RNF180: variants seen among roughly 807,000 people sequenced by gnomAD.
The protein encoded by RNF180 is E3 ubiquitin-protein ligase RNF180.
RNF180 carries 38 observed loss-of-function variants against 59.2 expected under a neutral mutation model. The observed-to-expected ratio is 0.64, with a 90% CI of 0.50 to 0.84. RNF180 has a LOEUF of 0.84. Ranked by LOEUF, RNF180 falls within the 40% of genes least tolerant of loss-of-function variation. RNF180 has a pLI of 0.00. For missense variants in RNF180, 705 were observed against 700.9 expected, an observed-to-expected ratio of 1.01 and a Z score of -0.07; for synonymous variants, 262 against 240.3, an observed-to-expected ratio of 1.09 and a Z score of -0.84.
intron 7 of RNF180, among the ~76,000 whole-genome samples, chr5:64,353,662 T>C (rs1241983372): frequency 6.6e-6 from 1 of 151,806 alleles, no homozygotes; most frequent in African/African-American, 2.4e-5. Flanking sequence ...AATTGAAATA[T>C]GTAAATCTGT....
chr5:64,292,090 A>G (rs896418400), intron 5 of RNF180, among the ~76,000 whole-genome samples: 1 of 152,118 alleles, frequency 6.6e-6, no homozygotes, highest in African/African-American at 2.4e-5. Context: ...CCTTTAGCTT[A>G]GCAAAGTTCA....
At chr5:64,333,778 AT>A (rs970258629) in intron 7 of RNF180, among the ~76,000 whole-genome samples, 143 of 152,056 alleles carry the variant, frequency 9.4e-4, no homozygotes, top group African/African-American at 3.3e-3. Context: ...AAATAACTTA[AT>A]TTTTTAAGTG....
chr5:64,316,701 TTAACC>T (rs1363164904), intron 5 of RNF180, among the ~76,000 whole-genome samples: 2 of 152,210 alleles, frequency 1.3e-5, no homozygotes, highest in Non-Finnish European at 2.9e-5. Context: ...CATTTAGTAC[TTAACC>T]TAATATAATC....
intron 1 of RNF180, among the ~76,000 whole-genome samples, chr5:64,198,845 C>T (rs1167824930): frequency 2.0e-5 from 3 of 150,396 alleles, no homozygotes; most frequent in Non-Finnish European, 4.4e-5. Context: ...GACGGAGTTT[C>T]GCTCTTGTTG....
intron 5 of RNF180, among the ~76,000 whole-genome samples, chr5:64,229,508 G>A (rs1053495360): frequency 6.6e-6 from 1 of 152,180 alleles, no homozygotes; most frequent in African/African-American, 2.4e-5. Flanking sequence ...TTATGATAAA[G>A]GGTTTAGAGA....
intron 1 of RNF180, among the ~76,000 whole-genome samples, chr5:64,167,622 A>G (rs539243744): frequency 1.3e-5 from 2 of 152,340 alleles, no homozygotes; most frequent in African/African-American, 4.8e-5. Context: ...CAAGAATGCA[A>G]TAAATTAATC....
At chr5:64,177,565 A>ATATATATATATATT (rs1184255289) in intron 1 of RNF180, among the ~76,000 whole-genome samples, 2 of 128,090 alleles carry the variant, frequency 1.6e-5, no homozygotes, top group East Asian at 4.5e-4. Flanking sequence ...ATATATATAT[A>ATATATATATATATT]TGTATTTATT....
At chr5:64,360,891 A>G (rs973756100) in intron 7 of RNF180, among the ~76,000 whole-genome samples, 1 of 151,614 alleles carries the variant, frequency 6.6e-6, no homozygotes, top group Non-Finnish European at 1.5e-5. Context: ...AGTGTGTTAC[A>G]TGGGAGATCT....
At chr5:64,287,289 TCTA>T (rs1176677295) in intron 5 of RNF180, among the ~76,000 whole-genome samples, 1 of 152,128 alleles carries the variant, frequency 6.6e-6, no homozygotes, top group East Asian at 1.9e-4. Context: ...CATTGTTAAA[TCTA>T]CTACTTGAAA....
At chr5:64,314,433 A>G (rs1183568415) in intron 5 of RNF180, among the ~76,000 whole-genome samples, 11 of 152,100 alleles carry the variant, frequency 7.2e-5, no homozygotes, top group South Asian at 2.1e-4. Context: ...AATATTGCCA[A>G]TTAAGTACTC....
intron 1 of RNF180, among the ~76,000 whole-genome samples, chr5:64,171,744 T>C (rs1749946791): frequency 6.6e-6 from 1 of 152,238 alleles, no homozygotes; most frequent in African/African-American, 2.4e-5. Flanking sequence ...GAGTACCAAG[T>C]GGCTGTCTTG....
At chr5:64,290,139 T>A (rs1742496600) in intron 5 of RNF180, among the ~76,000 whole-genome samples, 1 of 152,236 alleles carries the variant, frequency 6.6e-6, no homozygotes, top group African/African-American at 2.4e-5. Context: ...TTTCATTATT[T>A]ACCCAGGAGA....
intron 5 of RNF180, among the ~76,000 whole-genome samples, chr5:64,298,693 C>CCAAAG (rs1561246652): frequency 1.3e-5 from 2 of 151,866 alleles, no homozygotes; most frequent in Admixed American, 6.6e-5. Context: ...GAAAAACAAA[C>CCAAAG]CAAAGCAAAA....
chr5:64,364,284 G>C (rs1405516608), intron 7 of RNF180, among the ~76,000 whole-genome samples: 1 of 151,646 alleles, frequency 6.6e-6, no homozygotes, highest in Non-Finnish European at 1.5e-5. Flanking sequence ...GAGTTAACAT[G>C]AAACAATGTT....
At chr5:64,296,626 A>G (rs2112441094) in intron 5 of RNF180, among the ~76,000 whole-genome samples, 1 of 151,380 alleles carries the variant, frequency 6.6e-6, no homozygotes, top group East Asian at 1.9e-4. Context: ...GGAAGCAAGC[A>G]AAAGGTTGGA....
In RNF180 at chr5:64,213,573, G is replaced by A. The variant is rs1299154591; in HGVS notation, c.247G>A (p.Gly83Arg). The A allele has an allele frequency of 2.5e-6, 4 of 1,612,800 alleles. No individual in the cohort carries two copies. The highest frequency in any genetic ancestry group is 3.4e-6 in the Non-Finnish European group (4 of 1,179,098). ...TTACCTGTAGGCCCAGTGGACAGTT[G>A]GAAAACTGAATTGTCCTTTCTGTGG... ...CLIQKAQWTVGKLNCPFCGAR... is the reference protein window; with the variant it reads ...CLIQKAQWTVRKLNCPFCGAR... Residue 83 changes from glycine (G) to arginine (R), a missense_variant, in exon 4 of 8, where the codon GGA becomes AGA. Gly to Arg is a moderately radical substitution (Grantham distance 125). Transcript: ENST00000389100.
intron 5 of RNF180, among the ~76,000 whole-genome samples, chr5:64,268,426 T>C (rs1580148322): frequency 6.6e-6 from 1 of 152,182 alleles, no homozygotes; most frequent in South Asian, 2.1e-4. Context: ...AGAGATACTT[T>C]TTTTCCTTTT....
chr5:64,290,521 G>T (rs1455341471), intron 5 of RNF180, among the ~76,000 whole-genome samples: 1 of 152,170 alleles, frequency 6.6e-6, no homozygotes, highest in African/African-American at 2.4e-5. Flanking sequence ...AAGTCCCTTT[G>T]TAGGTCTCTA....
chr5:64,201,156 G>T (rs1487909477), intron 2 of RNF180, among the ~76,000 whole-genome samples: 2 of 152,118 alleles, frequency 1.3e-5, no homozygotes, highest in Non-Finnish European at 2.9e-5. Flanking sequence ...AATTAATTTT[G>T]CCTTTAATTA....
Sources: gnomAD v4.1 joint callset for allele counts (sites outside exome capture counted in the v4.1 genomes callset) on GRCh38, gnomAD v4.1.1 for gene constraint, MANE v1.5 for transcripts, NCBI Gene and HGNC (gene_info 2026-07-23, HGNC 2026-07-21) for gene names.